PDE5A: variants seen among roughly 807,000 people sequenced by gnomAD.
PDE5A encodes the protein phosphodiesterase 5A, also known as cGMP-specific 3',5'-cyclic phosphodiesterase.
PDE5A carries 67 observed loss-of-function variants against 110.2 expected under a neutral mutation model. The observed-to-expected ratio is 0.61, with a 90% CI of 0.50 to 0.75. The LOEUF is 0.75. PDE5A is among the 30% of genes least tolerant of loss of function. PDE5A has a pLI of 0.00. For missense variants in PDE5A, 862 were observed against 1,045.1 expected (o/e 0.82, Z 2.42); for synonymous variants, 328 against 351.2 (o/e 0.93, Z 0.74).
chr4:119,496,732 G>A lies in PDE5A; in HGVS notation c.*1869C>T, dbSNP rs1725089998. On this transcript the variant is annotated 3_prime_UTR_variant, in exon 21 of 21. Transcript: ENST00000354960. Reference sequence around the variant, plus strand: ...TGCATGCATAAGTATACACCTGTATGTATATATAACTATTATTTTAGTGAT... The same window carrying A: ...TGCATGCATAAGTATACACCTGTATATATATATAACTATTATTTTAGTGAT... 1 of 152,472 alleles carries A rather than the reference G, an allele frequency of 6.6e-6. No homozygotes were observed. 9.4% of individuals were successfully genotyped at this position (152,472 alleles called of 1,614,324 possible).
intron 17 of PDE5A, among the ~76,000 whole-genome samples, chr4:119,505,020 A>G (rs1427157256): frequency 6.6e-6 from 1 of 152,070 alleles, no homozygotes; most frequent in Non-Finnish European, 1.5e-5. Flanking sequence ...CAGAAATTAT[A>G]GTAGGTCATC....
chr4:119,540,005 C>T (rs1233941991), intron 10 of PDE5A, among the ~76,000 whole-genome samples: 1 of 152,066 alleles, frequency 6.6e-6, no homozygotes, highest in Non-Finnish European at 1.5e-5. Flanking sequence ...CAAAACACTT[C>T]TGGTCTCAAG....
chr4:119,591,350 A>C lies in PDE5A; in HGVS notation c.831+5173T>G, dbSNP rs370356085. On this transcript the variant is annotated intron_variant, in intron 3 of 20. Transcript: ENST00000354960. Reference sequence around the variant, plus strand: ...ATTTAATCTTCCCAATAACCCTTTAAGGTAGATCCTTTTATTGCCCTCATT... The same window carrying C: ...ATTTAATCTTCCCAATAACCCTTTACGGTAGATCCTTTTATTGCCCTCATT... Among the ~76,000 whole-genome samples, 8 of 152,216 alleles carry C rather than the reference A, an allele frequency of 5.3e-5. No homozygotes were observed. In the East Asian group the frequency reaches 1.2e-3, roughly 22 times the overall value.
At chr4:119,534,989 G>A (rs565428396) in intron 11 of PDE5A, among the ~76,000 whole-genome samples, 9 of 152,248 alleles carry the variant, frequency 5.9e-5, no homozygotes, top group South Asian at 4.1e-4. Context: ...CACTGCCTCC[G>A]TGACAAAAAT....
At chr4:119,546,225 A>G (rs1727125255) in intron 9 of PDE5A, among the ~76,000 whole-genome samples, 1 of 152,174 alleles carries the variant, frequency 6.6e-6, no homozygotes, top group Non-Finnish European at 1.5e-5. Flanking sequence ...CAACTATTAC[A>G]TACTTTTTCC....
chr4:119,515,085 CTATA>C (rs775259469), intron 14 of PDE5A, among the ~76,000 whole-genome samples: 1 of 152,114 alleles, frequency 6.6e-6, no homozygotes, highest in Non-Finnish European at 1.5e-5. Context: ...GGCATAAGGC[CTATA>C]TAAAGTTTTA....
chr4:119,529,639 G>A (rs1726462450), intron 11 of PDE5A, among the ~76,000 whole-genome samples: 1 of 152,138 alleles, frequency 6.6e-6, no homozygotes, highest in Non-Finnish European at 1.5e-5. Context: ...TCCATAGTGA[G>A]CCAGAACAGC....
chr4:119,571,426 GAGTCA>G (rs941863455), intron 3 of PDE5A, among the ~76,000 whole-genome samples: 28 of 152,186 alleles, frequency 1.8e-4, no homozygotes, highest in Non-Finnish European at 1.9e-4. Flanking sequence ...AGGAGAGGCA[GAGTCA>G]AGGAAACATT....
At chr4:119,560,220 C>A in intron 7 of PDE5A, 76 bp downstream of exon 7, 1 of 803,652 alleles carries the variant, frequency 1.2e-6, no homozygotes, top group Non-Finnish European at 2.0e-6. Flanking sequence ...TTTCTTAAAT[C>A]AAACTGGTCA....
At chr4:119,517,585 GTTTTCT>G (rs1207136816) in intron 14 of PDE5A, among the ~76,000 whole-genome samples, 81 of 142,832 alleles carry the variant, frequency 5.7e-4, no homozygotes, top group African/African-American at 2.0e-3. Flanking sequence ...TTCCCAGGAT[GTTTTCT>G]TTTTCTTTTT....
chr4:119,600,025 C>T (rs929475691), intron 2 of PDE5A, among the ~76,000 whole-genome samples: 7 of 151,940 alleles, frequency 4.6e-5, no homozygotes, highest in Non-Finnish European at 7.4e-5. Flanking sequence ...AAATATCCTT[C>T]AAGAATATAG....
Position 119,606,670 on chromosome 4 carries a change from T to G in PDE5A, c.741+39A>C, listed in dbSNP as rs1729540345. 2.7e-6 allele frequency: 4 copies of G among 1,468,850 alleles called. No individual in the cohort carries two copies. In the East Asian group the frequency reaches 9.1e-5, roughly 33 times the overall value. The allele number at this position is 1,468,850 out of a possible 1,614,324, so 91.0% of individuals were successfully genotyped here. A position where few individuals can be genotyped will look rare whatever the true frequency, so the allele number is the denominator to read the frequency against. ...AGTACCCGCCCCAGCCATAGTCCCC[T>G]CCCCAGCACTGGTCCTGCTCTCATG... On this transcript the variant is annotated intron_variant, in intron 2 of 20. Coordinates refer to ENST00000354960, the MANE Select transcript of PDE5A (RefSeq NM_001083.4).
chr4:119,600,856 TCA>T (rs1336926105), intron 2 of PDE5A, among the ~76,000 whole-genome samples: 3 of 152,180 alleles, frequency 2.0e-5, no homozygotes, highest in Non-Finnish European at 4.4e-5. Context: ...TTACACAGTC[TCA>T]AAGTATCTGC....
Position 119,502,627 on chromosome 4 carries a change from A to G in PDE5A, c.2360T>C (p.Phe787Ser). ...RIAELVATEF[F>S]DQGDRERKEL... ...TTTTCTCTCTCTGTCTCCTTGATCAAAAAATTCAGTTGCTACAAGTTCTGC... is the reference window on the plus strand; with the variant it reads ...TTTTCTCTCTCTGTCTCCTTGATCAGAAAATTCAGTTGCTACAAGTTCTGC... The change falls in exon 19 of 21, where the codon TTT (phenylalanine) becomes TCT (serine). Residue 787 changes from phenylalanine to serine, a missense_variant. Phe to Ser is a radical substitution (Grantham distance 155, BLOSUM62 -2). Transcript: ENST00000354960. 1 of 1,607,902 alleles carries G rather than the reference A, an allele frequency of 6.2e-7. No homozygotes were observed. Among genetic ancestry groups the G allele is most frequent in the Non-Finnish European group, 8.5e-7 (1 of 1,174,758 alleles).
At chr4:119,621,958 CAGG>C (rs1379319942) in intron 1 of PDE5A, among the ~76,000 whole-genome samples, 12 of 152,066 alleles carry the variant, frequency 7.9e-5, no homozygotes, top group East Asian at 7.7e-4. Flanking sequence ...ATCACCAAGT[CAGG>C]AGATCAAGAC....
chr4:119,556,494 C>G (rs1184735906), intron 7 of PDE5A, among the ~76,000 whole-genome samples: 1 of 152,190 alleles, frequency 6.6e-6, no homozygotes, highest in Admixed American at 6.5e-5. Context: ...AGCACCGAGC[C>G]TGAGCTGGCT....
chr4:119,611,247 T>C (rs1223158117), intron 1 of PDE5A, among the ~76,000 whole-genome samples: 2 of 152,240 alleles, frequency 1.3e-5, no homozygotes, highest in Non-Finnish European at 2.9e-5. Flanking sequence ...TGTTTATCAA[T>C]CTGTTGTTAT....
intron 2 of PDE5A, among the ~76,000 whole-genome samples, chr4:119,604,784 C>T (rs1729468901): frequency 6.6e-6 from 1 of 152,176 alleles, no homozygotes; most frequent in Non-Finnish European, 1.5e-5. Flanking sequence ...TTTCCCTTCA[C>T]TTGCATCTCC....
rs114136837 is a variant in PDE5A, at chr4:119,582,508, C to A, written c.831+14015G>T. 7.7e-3 allele frequency among the ~76,000 whole-genome samples: 1,171 copies of A among 152,278 alleles called. 19 individuals carry two copies. The highest frequency in any genetic ancestry group is 0.027 in the African/African-American group (1,110 of 41,548). The stretch of plus-strand genomic sequence containing the variant: ...TTCCTGTTCATGTTGATAATTTGAC[C>A]TCCTCCCATAAATCACAAATGTTCC... On this transcript the variant is annotated intron_variant, in intron 3 of 20. Coordinates refer to ENST00000354960, the MANE Select transcript of PDE5A (RefSeq NM_001083.4).
Sources: allele counts gnomAD v4.1 joint callset (sites outside exome capture counted in the v4.1 genomes callset), GRCh38; gene constraint gnomAD v4.1.1; transcripts MANE v1.5; gene names NCBI Gene and HGNC (gene_info 2026-07-23, HGNC 2026-07-21).